VDAC1: variants seen among roughly 807,000 people sequenced by gnomAD.
The protein encoded by VDAC1 is voltage dependent anion channel 1, also known as non-selective voltage-gated ion channel VDAC1.
Under a neutral mutation model 34.7 loss-of-function variants are expected in VDAC1, and 10 were observed. That is an observed-to-expected ratio of 0.29 (90% CI 0.18 to 0.49). The LOEUF is 0.49. Ranked by LOEUF, VDAC1 falls within the 20% of genes least tolerant of loss-of-function variation. VDAC1 has a pLI of 0.99. For missense variants in VDAC1, 230 were observed against 347.9 expected (o/e 0.66, Z 2.69); for synonymous variants, 130 against 136.0 (o/e 0.96, Z 0.30).
chr5:134,073,515 C>T, the VDAC1 span, among the ~76,000 whole-genome samples: 1 of 152,192 alleles, frequency 6.6e-6, no homozygotes, highest in African/African-American at 2.4e-5. Flanking sequence ...TACTTGAATA[C>T]CTCCTCTGAT....
the VDAC1 span, among the ~76,000 whole-genome samples, chr5:134,099,751 G>T: frequency 6.6e-6 from 1 of 152,106 alleles, no homozygotes; most frequent in African/African-American, 2.4e-5. Flanking sequence ...AGCTAATTTT[G>T]TTTTTATTTT....
chr5:133,998,302 T>C (rs1753412850), intron 1 of VDAC1, among the ~76,000 whole-genome samples: 1 of 152,192 alleles, frequency 6.6e-6, no homozygotes, highest in African/African-American at 2.4e-5. Flanking sequence ...TCAAATCGAA[T>C]TTTCATTTTT....
intron 1 of VDAC1, among the ~76,000 whole-genome samples, chr5:134,001,625 G>C (rs1473477396): frequency 6.6e-6 from 1 of 150,474 alleles, no homozygotes; most frequent in Non-Finnish European, 1.5e-5. Context: ...GGGTGAGGCA[G>C]AGACTTGCTT....
chr5:134,041,118 CCT>C, the VDAC1 span, among the ~76,000 whole-genome samples: 1,347 of 152,324 alleles, frequency 8.8e-3, 23 homozygotes, highest in African/African-American at 0.03. Flanking sequence ...TGCTACTGAT[CCT>C]ACTCAAGGGA....
the VDAC1 span, among the ~76,000 whole-genome samples, chr5:134,024,171 G>A: frequency 6.6e-6 from 1 of 151,642 alleles, no homozygotes; most frequent in Non-Finnish European, 1.5e-5. Context: ...AATGAAGTGA[G>A]CAAGTATTTC....
At chr5:134,083,438 C>A in the VDAC1 span, among the ~76,000 whole-genome samples, 1 of 152,202 alleles carries the variant, frequency 6.6e-6, no homozygotes, top group Non-Finnish European at 1.5e-5. Context: ...GATTCGCCAG[C>A]CTTGGCCTCC....
chr5:133,976,085 C>G lies in VDAC1; in HGVS notation c.552-64G>C, dbSNP rs761830483. 5.6e-6 allele frequency: 9 copies of G among 1,596,922 alleles called. 1 individual carries two copies. Among genetic ancestry groups the G allele is most frequent in the East Asian group, 2.2e-5 (1 of 44,628 alleles). ...GAGGTGAGCTGCAGCCCAGACAGAT[C>G]CACCCAAGTCTCCCAGAAGACAGGG... On this transcript the variant is annotated intron_variant, in intron 6 of 8. Transcript: ENST00000265333.
chr5:133,994,019 G>A (rs2126985545), intron 1 of VDAC1, among the ~76,000 whole-genome samples: 1 of 152,242 alleles, frequency 6.6e-6, no homozygotes. Context: ...CAACCAGAAG[G>A]ACCATTCCAT....
At chr5:134,060,540 C>T in the VDAC1 span, among the ~76,000 whole-genome samples, 1 of 151,808 alleles carries the variant, frequency 6.6e-6, no homozygotes, top group Non-Finnish European at 1.5e-5. Flanking sequence ...ATTTCAAACA[C>T]ATTGAAAAGT....
the VDAC1 span, among the ~76,000 whole-genome samples, chr5:134,094,590 G>A: frequency 6.6e-5 from 10 of 151,532 alleles, no homozygotes; most frequent in Admixed American, 2.0e-4. Context: ...CCAGCTAGTC[G>A]GGAGGCTGAG....
At chr5:134,053,111 G>A in the VDAC1 span, among the ~76,000 whole-genome samples, 102 of 147,442 alleles carry the variant, frequency 6.9e-4, 1 homozygote, top group African/African-American at 2.1e-3. Flanking sequence ...GTGAAACTCC[G>A]TCTCAAAAAA....
chr5:134,025,111 T>C, the VDAC1 span, among the ~76,000 whole-genome samples: 2 of 152,156 alleles, frequency 1.3e-5, no homozygotes, highest in Admixed American at 1.3e-4. Context: ...GGGTGGGCAA[T>C]TTATAAAGAA....
chr5:134,001,665 C>T (rs982898355), intron 1 of VDAC1, among the ~76,000 whole-genome samples: 1 of 146,722 alleles, frequency 6.8e-6, no homozygotes, highest in East Asian at 2.0e-4. Context: ...TGCAGGGAGC[C>T]GAGATTGCAC....
chr5:133,972,100 C>T lies in VDAC1; in HGVS notation c.*671G>A, dbSNP rs1752316009. ...TCTGAGTGTTGTCACCATGTGATTACAATCACACAGACACTTCCAAGCTTA... is the reference window on the plus strand; with the variant it reads ...TCTGAGTGTTGTCACCATGTGATTATAATCACACAGACACTTCCAAGCTTA... On this transcript the variant is annotated 3_prime_UTR_variant, in exon 9 of 9. Coordinates refer to ENST00000265333, the MANE Select transcript of VDAC1 (RefSeq NM_003374.3). 6.5e-6 allele frequency: 1 copy of T among 152,696 alleles called. No individual in the cohort carries two copies. The highest frequency in any genetic ancestry group is 1.5e-5 in the Non-Finnish European group (1 of 68,202). 9.5% of individuals were successfully genotyped at this position (152,696 alleles called of 1,614,324 possible). A position where few individuals can be genotyped will look rare whatever the true frequency, so the allele number is the denominator to read the frequency against.
chr5:134,053,008 G>T, the VDAC1 span, among the ~76,000 whole-genome samples: 5 of 152,138 alleles, frequency 3.3e-5, no homozygotes, highest in Non-Finnish European at 7.4e-5. Context: ...CCAGCTACCC[G>T]GGAGGCTGAG....
At chr5:133,978,180 T>TTC (rs1554090687) in intron 6 of VDAC1, among the ~76,000 whole-genome samples, 1 of 151,848 alleles carries the variant, frequency 6.6e-6, no homozygotes, top group East Asian at 1.9e-4. Flanking sequence ...TTTTTTTTTT[T>TTC]CCCCAAGATG....
the VDAC1 span, among the ~76,000 whole-genome samples, chr5:134,029,840 G>A: frequency 1.3e-4 from 20 of 151,760 alleles, no homozygotes; most frequent in African/African-American, 4.6e-4. Flanking sequence ...TCTGTATCAC[G>A]ATTAGGTGGT....
At chr5:134,058,023 A>G in the VDAC1 span, among the ~76,000 whole-genome samples, 1 of 151,946 alleles carries the variant, frequency 6.6e-6, no homozygotes, top group Non-Finnish European at 1.5e-5. Flanking sequence ...CAGCCTCCCA[A>G]GTAGCTGGAA....
At chr5:134,007,303 C>A (rs1753773336), upstream of VDAC1, among the ~76,000 whole-genome samples, 1 of 151,544 alleles carries the variant, frequency 6.6e-6, no homozygotes, top group Admixed American at 6.6e-5. Context: ...GGCTCAGAGG[C>A]ACATGTGGGT....
Sources: gnomAD v4.1 joint callset for allele counts (sites outside exome capture counted in the v4.1 genomes callset) on GRCh38, gnomAD v4.1.1 for gene constraint, MANE v1.5 for transcripts, NCBI Gene and HGNC (gene_info 2026-07-23, HGNC 2026-07-21) for gene names.